The following SOS1 variants were observed in gnomAD, a reference collection of about 807,000 sequenced individuals.
SOS1 encodes son of sevenless homolog 1.
Under a neutral mutation model 157.6 loss-of-function variants are expected in SOS1, and 25 were observed. That is an observed-to-expected ratio of 0.16 (90% confidence interval 0.12 to 0.22). The LOEUF (loss-of-function observed/expected upper bound fraction) is 0.22. Ranked by LOEUF, SOS1 falls within the 10% of genes least tolerant of loss-of-function variation. The probability of loss-of-function intolerance (pLI) is 1.00; values close to 1 mark genes in which losing one functional copy is unlikely to be tolerated. For synonymous variants in SOS1, 528 were observed against 534.0 expected (o/e 0.99, Z 0.16); for missense variants, 1,237 against 1,599.1 (o/e 0.77, Z 3.86).
Position 39,107,656 on chromosome 2 carries a change from C to A in SOS1, c.87+12680G>T, listed in dbSNP as rs868494591. On this transcript the variant is annotated intron_variant, in intron 1 of 22. Coordinates refer to ENST00000402219, the MANE Select transcript of SOS1 (RefSeq NM_005633.4). ...CAAAGGCTCCCCTTGAAGCATCACA[C>A]TAAAAAGAAAAAAAAAAAAAAAAAA... Among the ~76,000 whole-genome samples the A allele has an allele frequency of 2.4e-5, 3 of 123,800 alleles. No individual in the cohort carries two copies. The Middle Eastern group carries it at 0.013, about 525-fold the overall frequency. 81.2% of individuals were successfully genotyped at this position (123,800 alleles called of 152,430 possible).
In SOS1 at chr2:39,054,695, T is replaced by C. The variant is rs764248519; in HGVS notation, c.639A>G (p.Arg213=). ...DLVKAFMAEI[R]QYIRELNLII... is the part of the protein sequence containing the mutation. Reference sequence around the variant, plus strand: ...TTAGATTTAGTTCCCTTATATATTGTCGAATTTCTGCCATAAATGCTTTTA... The same window carrying C: ...TTAGATTTAGTTCCCTTATATATTGCCGAATTTCTGCCATAAATGCTTTTA... Residue 213 remains arginine (R), a synonymous_variant, in exon 5 of 23, where the codon CGA becomes CGG. Coordinates refer to ENST00000402219, the MANE Select transcript of SOS1 (RefSeq NM_005633.4). The C allele has an allele frequency of 6.9e-6, 11 of 1,600,496 alleles. No individual in the cohort carries two copies. The South Asian group carries it at 9.9e-5, about 14-fold the overall frequency.
chr2:38,997,477 T>TG, intron 17 of SOS1, 52 bp from the exon 18 acceptor site: 1 of 1,349,322 alleles, frequency 7.4e-7, no homozygotes, highest in South Asian at 1.2e-5. Context: ...AATGCAAGTT[T>TG]TTTTCTGTTT....
intron 17 of SOS1, among the ~76,000 whole-genome samples, chr2:38,999,910 T>C (rs1669032684): frequency 6.6e-6 from 1 of 152,194 alleles, no homozygotes. Flanking sequence ...GAAGGATTAC[T>C]CTAGGTGTAC....
At chr2:39,005,311 GTTAT>G (rs1669250615) in intron 17 of SOS1, among the ~76,000 whole-genome samples, 2 of 152,144 alleles carry the variant, frequency 1.3e-5, no homozygotes, top group African/African-American at 2.4e-5. Context: ...TCCTCCTCTG[GTTAT>G]TTGTCTCAAG....
chr2:39,072,173 T>C (rs297130), intron 1 of SOS1, among the ~76,000 whole-genome samples: 142,142 of 152,238 alleles, frequency 0.93, 66,478 homozygotes, highest in African/African-American at 0.97. Context: ...ATACTATATA[T>C]CACATTTCTG....
intron 1 of SOS1, among the ~76,000 whole-genome samples, chr2:39,091,449 A>C (rs902331277): frequency 6.6e-6 from 1 of 152,136 alleles, no homozygotes; most frequent in Admixed American, 6.5e-5. Flanking sequence ...CATAGGTATA[A>C]ATAATCGTCT....
At chr2:39,092,246 C>G (rs1484514956) in intron 1 of SOS1, among the ~76,000 whole-genome samples, 6 of 152,108 alleles carry the variant, frequency 3.9e-5, no homozygotes, top group African/African-American at 1.4e-4. Flanking sequence ...TTCACTCAGG[C>G]TGGAGTGTAG....
At chr2:39,117,563 A>G (rs1327911367) in intron 1 of SOS1, among the ~76,000 whole-genome samples, 2 of 152,218 alleles carry the variant, frequency 1.3e-5, no homozygotes, top group Non-Finnish European at 2.9e-5. Context: ...CCAAATATCA[A>G]TTGCTGTTAA....
At chr2:39,109,419 T>C (rs1441651443) in intron 1 of SOS1, among the ~76,000 whole-genome samples, 2 of 152,132 alleles carry the variant, frequency 1.3e-5, no homozygotes, top group African/African-American at 4.8e-5. Flanking sequence ...CAAATGAAAT[T>C]CTATGCAAAG....
chr2:39,040,407 T>C (rs755719761), intron 6 of SOS1, among the ~76,000 whole-genome samples: 10 of 152,132 alleles, frequency 6.6e-5, no homozygotes, highest in Non-Finnish European at 1.3e-4. Context: ...TAATAGACAA[T>C]GTGCAACGGT....
chr2:39,043,100 C>A (rs1445617142), intron 6 of SOS1, among the ~76,000 whole-genome samples: 2 of 151,930 alleles, frequency 1.3e-5, no homozygotes, highest in Non-Finnish European at 2.9e-5. Context: ...TATAGTTTAA[C>A]TATTATTATA....
At position 39,022,658 on chromosome 2, in the gene SOS1, C is replaced by G. The variant is rs553331572; in HGVS notation, c.1770G>C (p.Glu590Asp). The G allele has an allele frequency of 3.1e-6, 5 of 1,613,156 alleles. No individual in the cohort carries two copies. Among genetic ancestry groups the G allele is most frequent in the East Asian group, 4.5e-5 (2 of 44,874 alleles). ...PDSEENIIFEENMQPKAGIPI... is the reference protein window; with the variant it reads ...PDSEENIIFEDNMQPKAGIPI... ...GAATTCCAGCCTTGGGCTGCATGTT[C>G]TCTTCAAATATAATATTCTCTTCAG... Residue 590 changes from glutamate to aspartate, a missense_variant, in exon 10 of 23, where the codon GAG becomes GAC. By Grantham distance (45) the Glu-to-Asp change is conservative. Coordinates refer to ENST00000402219, the MANE Select transcript of SOS1 (RefSeq NM_005633.4).
chr2:39,062,984 A>G (rs1489767543), intron 2 of SOS1, among the ~76,000 whole-genome samples: 4 of 152,238 alleles, frequency 2.6e-5, no homozygotes. Context: ...CCCCAGCATT[A>G]AAATATATAT....
In SOS1 at chr2:39,072,274, T is replaced by A. The variant is rs1047361072; in HGVS notation, c.88-4521A>T. Among the ~76,000 whole-genome samples, 4 of 152,204 alleles carry A rather than the reference T, an allele frequency of 2.6e-5. 1 individual carries two copies. The highest frequency in any genetic ancestry group is 4.1e-4 in the South Asian group (2 of 4,834). On this transcript the variant is annotated intron_variant, in intron 1 of 22. Transcript: ENST00000402219. ...GATGTTCCAACTGGGCAGGGCTTTATGTACTTATAATTTTCTCCTTGCTTT... is the reference window on the plus strand; with the variant it reads ...GATGTTCCAACTGGGCAGGGCTTTAAGTACTTATAATTTTCTCCTTGCTTT...
chr2:39,045,249 A>AGGGG (rs1670729013), intron 6 of SOS1, among the ~76,000 whole-genome samples: 1 of 26,554 alleles, frequency 3.8e-5, no homozygotes, highest in Admixed American at 4.5e-4. Flanking sequence ...AGAGGGAGAG[A>AGGGG]GAGAGAGAGA....
chr2:39,090,772 A>G (rs1672564205), intron 1 of SOS1, among the ~76,000 whole-genome samples: 1 of 152,234 alleles, frequency 6.6e-6, no homozygotes, highest in South Asian at 2.1e-4. Context: ...GTTTATGTAT[A>G]TCAGTGCTTT....
chr2:39,103,366 A>C (rs968042770), intron 1 of SOS1, among the ~76,000 whole-genome samples: 12 of 152,226 alleles, frequency 7.9e-5, no homozygotes, highest in African/African-American at 2.4e-5. Context: ...AAGAAAAAAA[A>C]AAGTTGGAAC....
At chr2:39,111,420 G>A (rs868174802) in intron 1 of SOS1, among the ~76,000 whole-genome samples, 2 of 152,134 alleles carry the variant, frequency 1.3e-5, no homozygotes, top group East Asian at 3.9e-4. Flanking sequence ...AAATGTTAGG[G>A]TAAAAACTTT....
At chr2:39,086,336 T>C (rs1050576316) in intron 1 of SOS1, among the ~76,000 whole-genome samples, 19 of 152,120 alleles carry the variant, frequency 1.2e-4, no homozygotes, top group Non-Finnish European at 1.5e-5. Flanking sequence ...AGGGCCCAGA[T>C]CACTGGCCAG....
Sources: gnomAD v4.1 joint callset for allele counts (sites outside exome capture counted in the v4.1 genomes callset) on GRCh38, gnomAD v4.1.1 for gene constraint, MANE v1.5 for transcripts, NCBI Gene and HGNC (gene_info 2026-07-23, HGNC 2026-07-21) for gene names.